The following CSTA variants were observed in gnomAD, a reference collection of about 807,000 sequenced individuals.
CSTA encodes the protein cystatin A.
A neutral mutation model predicts 9.2 loss-of-function variants in CSTA; 9 were observed. That is an observed-to-expected ratio of 0.97 (90% CI 0.59 to 1.70). CSTA has a LOEUF of 1.70. Ranked by LOEUF, CSTA falls within the 40% of genes most tolerant of loss-of-function variation. The pLI, the probability that CSTA is intolerant of heterozygous loss-of-function variation, is 0.00. For synonymous variants in CSTA, 36 were observed against 40.6 expected (o/e 0.89, Z 0.43); for missense variants, 118 against 113.1 (o/e 1.04, Z -0.20).
At chr3:122,329,038 T>G (rs1425087515) in intron 1 of CSTA, among the ~76,000 whole-genome samples, 1 of 150,072 alleles carries the variant, frequency 6.7e-6, no homozygotes, top group Non-Finnish European at 1.5e-5. Context: ...CGGTCTCGGC[T>G]CACTGCAAGC....
Position 122,325,279 on chromosome 3 carries a change from A to G in CSTA, c.-14A>G, listed in dbSNP as rs748910192. 6.2e-7 allele frequency: 1 copy of G among 1,613,968 alleles called. No individual in the cohort carries two copies. Among genetic ancestry groups the G allele is most frequent in the Admixed American group, 1.7e-5 (1 of 60,022 alleles). On this transcript the variant is annotated 5_prime_UTR_variant, in exon 1 of 3. Coordinates refer to ENST00000264474, the MANE Select transcript of CSTA (RefSeq NM_005213.4). Reference sequence around the variant, plus strand: ...GTTCCAGCATCCTGTCCAGCAAAGAAGCAATCAGCCAAAATGATACCTGGA... The same window carrying G: ...GTTCCAGCATCCTGTCCAGCAAAGAGGCAATCAGCCAAAATGATACCTGGA...
chr3:122,330,953 C>T (rs182314362), intron 1 of CSTA, among the ~76,000 whole-genome samples: 5 of 152,164 alleles, frequency 3.3e-5, no homozygotes, highest in South Asian at 2.1e-4. Context: ...CAAAAGCCTC[C>T]GGATCATTAT....
rs77020227 is a variant in CSTA, at chr3:122,325,932, G to A, written c.66+574G>A. 1.6e-3 allele frequency among the ~76,000 whole-genome samples: 243 copies of A among 152,316 alleles called. 3 individuals carry two copies. The East Asian group carries it at 0.042, about 26-fold the overall frequency. On this transcript the variant is annotated intron_variant, in intron 1 of 2. Coordinates refer to ENST00000264474, the MANE Select transcript of CSTA (RefSeq NM_005213.4). ...TGACAGTCTATAGTGACTCCGAAAT[G>A]TCATAGGGCACCAAATTATATATGG...
chr3:122,334,681 T>C (rs2075226693), intron 1 of CSTA, among the ~76,000 whole-genome samples: 1 of 152,094 alleles, frequency 6.6e-6, no homozygotes, highest in Non-Finnish European at 1.5e-5. Context: ...CAGAAAAGAA[T>C]TGGGGTTGAA....
intron 2 of CSTA, among the ~76,000 whole-genome samples, chr3:122,339,835 T>G (rs1398976933): frequency 6.6e-6 from 1 of 152,180 alleles, no homozygotes; most frequent in African/African-American, 2.4e-5. Flanking sequence ...GAGCCAGGCC[T>G]CATTCCCCGA....
chr3:122,330,635 C>T (rs2075198940), intron 1 of CSTA, among the ~76,000 whole-genome samples: 1 of 152,184 alleles, frequency 6.6e-6, no homozygotes, highest in Admixed American at 6.5e-5. Flanking sequence ...GAAGAAAACC[C>T]TCTTCCAAGA....
intron 1 of CSTA, among the ~76,000 whole-genome samples, chr3:122,337,086 A>AC (rs1157748565): frequency 1.3e-5 from 2 of 152,220 alleles, no homozygotes; most frequent in Non-Finnish European, 2.9e-5. Context: ...ATAGTATTAT[A>AC]CCATGTTAAT....
At chr3:122,335,541 A>G (rs2075231661) in intron 1 of CSTA, among the ~76,000 whole-genome samples, 1 of 152,206 alleles carries the variant, frequency 6.6e-6, no homozygotes, top group Non-Finnish European at 1.5e-5. Flanking sequence ...ATTCTTCCTC[A>G]GTGTTTGAGA....
chr3:122,331,050 T>C (rs2075201492), intron 1 of CSTA, among the ~76,000 whole-genome samples: 1 of 151,990 alleles, frequency 6.6e-6, no homozygotes, highest in Non-Finnish European at 1.5e-5. Context: ...AAATGTTATT[T>C]AATTGTTTTT....
intron 1 of CSTA, among the ~76,000 whole-genome samples, chr3:122,334,685 G>A (rs145623937): frequency 6.6e-6 from 1 of 152,242 alleles, no homozygotes; most frequent in Non-Finnish European, 1.5e-5. Context: ...AAAGAATTGG[G>A]GTTGAAGGAC....
chr3:122,331,813 T>G (rs1223606426), intron 1 of CSTA, among the ~76,000 whole-genome samples: 1 of 152,190 alleles, frequency 6.6e-6, no homozygotes, highest in African/African-American at 2.4e-5. Flanking sequence ...TCCAGCAGGA[T>G]GTCTCAGTTC....
At chr3:122,332,981 A>G (rs996850488) in intron 1 of CSTA, among the ~76,000 whole-genome samples, 1 of 152,150 alleles carries the variant, frequency 6.6e-6, no homozygotes, top group Non-Finnish European at 1.5e-5. Flanking sequence ...ACTCAGGTCC[A>G]TGTCATCTAA....
chr3:122,333,247 A>C (rs980964715), intron 1 of CSTA, among the ~76,000 whole-genome samples: 9 of 152,184 alleles, frequency 5.9e-5, no homozygotes, highest in Non-Finnish European at 1.2e-4. Flanking sequence ...ATGGGGGCTC[A>C]CCCCTGTAAT....
chr3:122,325,464 T>C, intron 1 of CSTA, 106 bp downstream of exon 1: 1 of 1,099,292 alleles, frequency 9.1e-7, no homozygotes, highest in South Asian at 1.3e-5. Context: ...TTTAGGATGT[T>C]TGTGGCTTTG....
chr3:122,337,605 A>G lies in CSTA; in HGVS notation c.125A>G (p.Gln42Arg), dbSNP rs200946159. ...ACTTACGGAAAATTGGAAGCTGTGC[A>G]GTATAAAACTCAAGTTGTTGCTGGA... is the stretch of plus-strand genomic sequence containing the variant. Reference protein sequence around the residue: ...NETYGKLEAVQYKTQVVAGTN... With the variant: ...NETYGKLEAVRYKTQVVAGTN... The change falls in exon 2 of 3, where the codon CAG (glutamine) becomes CGG (arginine). Residue 42 changes from glutamine to arginine, a missense_variant. Physicochemically the swap from Gln to Arg is conservative, Grantham distance 43. Transcript: ENST00000264474. The G allele has an allele frequency of 1.2e-5, 19 of 1,613,462 alleles. No individual in the cohort carries two copies. The East Asian group carries it at 3.8e-4, about 32-fold the overall frequency.
chr3:122,327,849 A>T (rs867930174), intron 1 of CSTA, among the ~76,000 whole-genome samples: 23 of 152,320 alleles, frequency 1.5e-4, no homozygotes, highest in Middle Eastern at 6.8e-3. Flanking sequence ...AATGATTTTT[A>T]AAAAAATCTA....
chr3:122,332,746 G>A (rs932557644), intron 1 of CSTA, among the ~76,000 whole-genome samples: 10 of 152,170 alleles, frequency 6.6e-5, no homozygotes, highest in Non-Finnish European at 1.0e-4. Context: ...TTGAGCTCCC[G>A]TCACCATCAC....
chr3:122,337,599 C>G lies in CSTA; in HGVS notation c.119C>G (p.Ala40Gly), dbSNP rs777526429. 1.7e-5 allele frequency: 28 copies of G among 1,613,440 alleles called. No individual in the cohort carries two copies. The highest frequency in any genetic ancestry group is 2.2e-5 in the Non-Finnish European group (26 of 1,179,488). Reference protein sequence around the residue: ...KTNETYGKLEAVQYKTQVVAG... With the variant: ...KTNETYGKLEGVQYKTQVVAG... ...AATGAGACTTACGGAAAATTGGAAG[C>G]TGTGCAGTATAAAACTCAAGTTGTT... Residue 40 changes from alanine to glycine, a missense_variant, in exon 2 of 3, where the codon GCT becomes GGT. Physicochemically the swap from Ala to Gly is moderately conservative, Grantham distance 60. Coordinates refer to ENST00000264474, the MANE Select transcript of CSTA (RefSeq NM_005213.4).
At chr3:122,333,403 C>T (rs2075215278) in intron 1 of CSTA, among the ~76,000 whole-genome samples, 1 of 151,950 alleles carries the variant, frequency 6.6e-6, no homozygotes, top group South Asian at 2.1e-4. Flanking sequence ...CCCAGCTACT[C>T]ATGAGGCTGA....
Sources: allele counts gnomAD v4.1 joint callset (sites outside exome capture counted in the v4.1 genomes callset), GRCh38; gene constraint gnomAD v4.1.1; transcripts MANE v1.5; gene names NCBI Gene and HGNC (gene_info 2026-07-23, HGNC 2026-07-21).